The following KLC1 variants were observed in gnomAD, a reference collection of about 807,000 sequenced individuals.
The protein encoded by KLC1 is kinesin light chain 1.
KLC1 carries 30 observed loss-of-function variants against 84.2 expected under a neutral mutation model. The observed-to-expected ratio is 0.36, with a 90% CI of 0.27 to 0.48. The LOEUF is 0.48. KLC1 is among the 20% of genes least tolerant of loss of function. The probability of loss-of-function intolerance (pLI) is 0.99; values close to 1 mark genes in which losing one functional copy is unlikely to be tolerated. For synonymous variants in KLC1, 289 were observed against 293.3 expected, an observed-to-expected ratio of 0.99 and a Z score of 0.15; for missense variants, 499 against 805.4, an observed-to-expected ratio of 0.62 and a Z score of 4.60.
intron 1 of KLC1, among the ~76,000 whole-genome samples, chr14:103,642,618 T>A (rs980539077): frequency 6.6e-6 from 1 of 152,074 alleles, no homozygotes; most frequent in Non-Finnish European, 1.5e-5. Context: ...AGCCTGAAGC[T>A]TCTTCTAGTG....
At chr14:103,695,339 GTATATATA>G (rs56377187) in intron 15 of KLC1, 10,001 of 360,476 alleles carry the variant, frequency 0.028, no homozygotes, top group Middle Eastern at 0.039. Flanking sequence ...GTGTGTGTGT[GTATATATA>G]TATATATATA....
At chr14:103,652,099 TGTTGCATCATTTGGATATAATACA>T (rs2151470042) in intron 1 of KLC1, among the ~76,000 whole-genome samples, 1 of 152,346 alleles carries the variant, frequency 6.6e-6, no homozygotes, top group Non-Finnish European at 1.5e-5. Context: ...AAAGAATATA[TGTTGCATCATTTGGATATAATACA>T]TAAATACTTT....
At chr14:103,640,126 T>G in intron 1 of KLC1, among the ~76,000 whole-genome samples, 1 of 152,134 alleles carries the variant, frequency 6.6e-6, no homozygotes, top group Non-Finnish European at 1.5e-5. Flanking sequence ...AGTGGCACGA[T>G]CTTGGCTCAC....
At chr14:103,695,545 C>T (rs955004641) in intron 15 of KLC1, 2 of 985,190 alleles carry the variant, frequency 2.0e-6, no homozygotes, top group Admixed American at 6.2e-5. Context: ...TGCCTTCTCC[C>T]TGTGAGGATG....
At chr14:103,677,649 TA>T in intron 12 of KLC1, 126 bp downstream of exon 12, 1 of 680,928 alleles carries the variant, frequency 1.5e-6, no homozygotes, top group Non-Finnish European at 2.5e-6. Context: ...TTTGAACAAA[TA>T]AAGTTATATT....
At position 103,654,731 on chromosome 14, in the gene KLC1, TGAA is replaced by T; in HGVS notation, c.171_173del (p.Lys58del). 6.2e-7 allele frequency: 1 copy of T among 1,614,164 alleles called. No homozygotes were observed. Among genetic ancestry groups the T allele is most frequent in the Non-Finnish European group, 8.5e-7 (1 of 1,180,034 alleles). On this transcript the variant is annotated inframe_deletion, in exon 2 of 17. Coordinates refer to ENST00000334553, the MANE Select transcript of KLC1 (RefSeq NM_001394837.1). Reference sequence around the variant, plus strand: ...AGTTTGCTGGAGACACTGAAGTGTTTGAAGAAAGATGATGAAAGTAATTTGGTG... The same window carrying T: ...AGTTTGCTGGAGACACTGAAGTGTTTGAAAGATGATGAAAGTAATTTGGTG...
At chr14:103,699,749 A>G (rs905004456) in intron 15 of KLC1, among the ~76,000 whole-genome samples, 1 of 152,058 alleles carries the variant, frequency 6.6e-6, no homozygotes, top group Non-Finnish European at 1.5e-5. Flanking sequence ...TTTTTCTCAA[A>G]GAGGCCCCAA....
At position 103,658,072 on chromosome 14, in the gene KLC1, G is replaced by A. The variant is rs568318936; in HGVS notation, c.492+296G>A. Among the ~76,000 whole-genome samples the A allele has an allele frequency of 7.2e-4, 109 of 152,242 alleles. 1 individual carries two copies. Among genetic ancestry groups the A allele is most frequent in the African/African-American group, 2.5e-3 (103 of 41,552 alleles). ...GGTCTAGCAGTGGTCCAATCTGGCC[G>A]TCTGAATTTGGACTCTGGGCAACCT... On this transcript the variant is annotated intron_variant, in intron 3 of 16. Coordinates refer to ENST00000334553, the MANE Select transcript of KLC1 (RefSeq NM_001394837.1).
chr14:103,676,935 C>G (rs1316996211), intron 11 of KLC1, among the ~76,000 whole-genome samples: 2 of 152,210 alleles, frequency 1.3e-5, no homozygotes, highest in Non-Finnish European at 2.9e-5. Context: ...GTACATGAAG[C>G]ATTTATCCTC....
intron 15 of KLC1, chr14:103,696,104 C>CA: frequency 1.9e-6 from 1 of 529,520 alleles, no homozygotes; most frequent in African/African-American, 2.5e-5. Context: ...CCCCGCCCCC[C>CA]GCCCCCCCCC....
chr14:103,645,952 G>T (rs1275794059), intron 1 of KLC1, among the ~76,000 whole-genome samples: 1 of 151,832 alleles, frequency 6.6e-6, no homozygotes, highest in Non-Finnish European at 1.5e-5. Context: ...TAGAGACAGG[G>T]TTTCATCGTG....
chr14:103,691,116 T>C (rs2082081505), intron 14 of KLC1, among the ~76,000 whole-genome samples: 1 of 151,584 alleles, frequency 6.6e-6, no homozygotes, highest in South Asian at 2.1e-4. Context: ...AGCATCAGAC[T>C]GAAGGCAGAG....
At chr14:103,654,486 A>T (rs1049071024) in intron 1 of KLC1, 78 bp from the exon 2 acceptor site, 9 of 1,231,264 alleles carry the variant, frequency 7.3e-6, no homozygotes, top group Non-Finnish European at 1.0e-5. Context: ...TTAATTAAAA[A>T]ATTTTCATAT....
rs759423089 is a variant in KLC1 at position 103,673,091 on chromosome 14, T to G, written c.1065T>G (p.Tyr355Ter). The G allele has an allele frequency of 6.2e-7, 1 of 1,613,934 alleles. No individual in the cohort carries two copies. Among genetic ancestry groups the G allele is most frequent in the Non-Finnish European group, 8.5e-7 (1 of 1,179,974 alleles). ...LALLCQNQGK[Y>*]EEVEYYYQRA... is the part of the protein sequence containing the mutation. ...TACTGTGCCAGAACCAGGGCAAGTATGAAGAAGTAGAATATTATTATCAAA... is the reference window on the plus strand; with the variant it reads ...TACTGTGCCAGAACCAGGGCAAGTAGGAAGAAGTAGAATATTATTATCAAA... The change falls in exon 8 of 17, where the codon TAT becomes TAG. Residue 355 changes from tyrosine to a stop codon, truncating the protein, a stop_gained. Coordinates refer to ENST00000334553, the MANE Select transcript of KLC1 (RefSeq NM_001394837.1). LOFTEE classifies it high-confidence loss of function.
chr14:103,679,336 A>C (rs375909721), intron 12 of KLC1, 48 bp from the exon 13 acceptor site: 70 of 1,579,298 alleles, frequency 4.4e-5, no homozygotes, highest in Non-Finnish European at 5.0e-5. Flanking sequence ...ACCTAAGAAA[A>C]TCTTAAGTGC....
Position 103,685,371 on chromosome 14 carries a change from A to G in KLC1, c.1651-1710A>G, listed in dbSNP as rs187687839. On this transcript the variant is annotated intron_variant, in intron 13 of 16. Coordinates refer to ENST00000334553, the MANE Select transcript of KLC1 (RefSeq NM_001394837.1). ...CAAGGAGATTTCTAATACGTTGCCA[A>G]TCTTTACGCTTAAAGTGTTGACATT... 1.5e-5 allele frequency: 18 copies of G among 1,217,966 alleles called. No homozygotes were observed. The East Asian group carries it at 6.0e-4, about 41-fold the overall frequency. 75.4% of individuals were successfully genotyped at this position (1,217,966 alleles called of 1,614,324 possible).
At position 103,693,607 on chromosome 14, in the gene KLC1, C is replaced by T; in HGVS notation, c.1848+1182C>T. 6.5e-7 allele frequency: 1 copy of T among 1,536,096 alleles called. No individual in the cohort carries two copies. The highest frequency in any genetic ancestry group is 8.7e-7 in the Non-Finnish European group (1 of 1,146,902). On this transcript the variant is annotated intron_variant, in intron 15 of 16. Transcript: ENST00000334553. This position sits in a 1 kb window ranked among gnomAD's most constrained non-coding sequence, Gnocchi z 5.1. ...AGCTCTGAGTGCCAGCCACACTGACCTGGCCCACTGAGAGCCAGCAGGGCT... is the reference window on the plus strand; with the variant it reads ...AGCTCTGAGTGCCAGCCACACTGACTTGGCCCACTGAGAGCCAGCAGGGCT...
At chr14:103,663,369 C>T (rs1057096306) in intron 5 of KLC1, among the ~76,000 whole-genome samples, 3 of 152,116 alleles carry the variant, frequency 2.0e-5, no homozygotes, top group Non-Finnish European at 2.9e-5. Context: ...CGTGAGCCAC[C>T]GCGCCCGGCC....
At chr14:103,638,164 C>T (rs1169573563) in intron 1 of KLC1, among the ~76,000 whole-genome samples, 4 of 152,256 alleles carry the variant, frequency 2.6e-5, no homozygotes, top group South Asian at 2.1e-4. Context: ...TTGCCCATCT[C>T]TCGGTAAAAC....
Sources: allele counts gnomAD v4.1 joint callset (sites outside exome capture counted in the v4.1 genomes callset), GRCh38; gene constraint gnomAD v4.1.1; non-coding constraint Gnocchi (gnomAD v3.1); transcripts MANE v1.5; gene names NCBI Gene and HGNC (gene_info 2026-07-23, HGNC 2026-07-21).